PRDM15: variants seen among roughly 807,000 people sequenced by gnomAD.
The protein encoded by PRDM15 is PR/SET domain 15, also known as PR domain zinc finger protein 15.
A neutral mutation model predicts 128.6 loss-of-function variants in PRDM15; 64 were observed. That is an observed-to-expected ratio of 0.50 (90% CI 0.41 to 0.61). The LOEUF (loss-of-function observed/expected upper bound fraction) is 0.61. Among genes scored for constraint, PRDM15 ranks in the 20% least tolerant of loss-of-function variants. The pLI is 0.00. For synonymous variants in PRDM15, 615 were observed against 621.8 expected (o/e 0.99, Z 0.16); for missense variants, 1,242 against 1,569.1 (o/e 0.79, Z 3.52).
chr21:41,808,872 G>A (rs933519752), intron 21 of PRDM15, among the ~76,000 whole-genome samples: 3 of 152,202 alleles, frequency 2.0e-5, no homozygotes, highest in Admixed American at 1.3e-4. Flanking sequence ...TTGGAATAGG[G>A]GTTGGAATAA....
intron 11 of PRDM15, among the ~76,000 whole-genome samples, chr21:41,833,320 C>T: frequency 6.6e-6 from 1 of 152,140 alleles, no homozygotes; most frequent in East Asian, 1.9e-4. Flanking sequence ...TTTAAAACTG[C>T]CCCCCACACC....
At position 41,799,492 on chromosome 21, in the gene PRDM15, G is replaced by C. The variant is rs2061369045; in HGVS notation, c.*1748C>G. ...CTATTCATTCAACTGAGAGGTGAGAGCTAGGCGCGAGTGATGGTGGGTAAG... is the reference window on the plus strand; with the variant it reads ...CTATTCATTCAACTGAGAGGTGAGACCTAGGCGCGAGTGATGGTGGGTAAG... On this transcript the variant is annotated 3_prime_UTR_variant, in exon 24 of 24. Transcript: ENST00000398548. The C allele has an allele frequency of 6.6e-6, 1 of 152,226 alleles. No individual in the cohort carries two copies. Among genetic ancestry groups the C allele is most frequent in the African/African-American group, 2.4e-5 (1 of 41,454 alleles). 9.4% of individuals were successfully genotyped at this position (152,226 alleles called of 1,614,324 possible).
Position 41,854,422 on chromosome 21 carries a change from TC to T in PRDM15, c.538+143del. 1 of 1,046,860 alleles carries T rather than the reference TC, an allele frequency of 9.6e-7. No homozygotes were observed. The highest frequency in any genetic ancestry group is 1.4e-6 in the Non-Finnish European group (1 of 736,152). The allele number at this position is 1,046,860 out of a possible 1,614,324, so 64.8% of individuals were successfully genotyped here. On this transcript the variant is annotated intron_variant, in intron 5 of 23. Coordinates refer to ENST00000398548, the MANE Select transcript of PRDM15 (RefSeq NM_001040424.3). The surrounding 1 kb of genome is among the most constrained non-coding windows in gnomAD (Gnocchi z 4.6). ...ACAAGCAGAAAGACAGACCCGACTC[TC>T]CACTCCTCCACTCTCCGCATCCCAG...
At chr21:41,834,374 T>C in intron 11 of PRDM15, 1 of 789,852 alleles carries the variant, frequency 1.3e-6, no homozygotes, top group South Asian at 1.6e-5. Context: ...TCAGAGCCCC[T>C]GGGAGTCCGC....
In PRDM15 at chr21:41,862,063, G is replaced by T; in HGVS notation, c.-9-1691C>A. 4 of 1,283,564 alleles carry T rather than the reference G, an allele frequency of 3.1e-6. No individual in the cohort carries two copies. The highest frequency in any genetic ancestry group is 4.5e-6 in the Non-Finnish European group (4 of 890,056). 79.5% of individuals were successfully genotyped at this position (1,283,564 alleles called of 1,614,324 possible). A position where few individuals can be genotyped will look rare whatever the true frequency, so the allele number is the denominator to read the frequency against. ...ACCAGTCTGGGATGGGGGCTCAGCT[G>T]GGCAGTGAGCAGGAGATGAACAGGA... On this transcript the variant is annotated intron_variant, in intron 1 of 23. Transcript: ENST00000398548. This position sits in a 1 kb window ranked among gnomAD's most constrained non-coding sequence, Gnocchi z 4.1.
intron 14 of PRDM15, chr21:41,823,071 G>T: frequency 4.3e-6 from 2 of 464,140 alleles, no homozygotes; most frequent in Non-Finnish European, 8.0e-6. Flanking sequence ...GGCCCTTATA[G>T]AAGAGATCCC....
At chr21:41,852,102 T>C (rs4920060) in intron 5 of PRDM15, among the ~76,000 whole-genome samples, 104,218 of 152,128 alleles carry the variant, frequency 0.69, 35,872 homozygotes, top group African/African-American at 0.74. Flanking sequence ...TTTAAATCTA[T>C]TGTTTCAAAC....
chr21:41,831,415 G>A (rs540134988), intron 11 of PRDM15, among the ~76,000 whole-genome samples: 27 of 152,352 alleles, frequency 1.8e-4, no homozygotes, highest in African/African-American at 2.9e-4. Flanking sequence ...TGCCGACAGC[G>A]TCCCTTGGGG....
chr21:41,803,423 C>T (rs62216224), intron 22 of PRDM15, among the ~76,000 whole-genome samples: 6,058 of 152,342 alleles, frequency 0.04, 139 homozygotes, highest in Non-Finnish European at 0.052. Context: ...CCTCCCCGCA[C>T]GATTCCCTGC....
chr21:41,868,661 C>CTT lies in PRDM15; in HGVS notation c.-9-8290_-9-8289insAA, dbSNP rs373592645. 1.9e-3 allele frequency among the ~76,000 whole-genome samples: 291 copies of CTT among 150,946 alleles called. 3 individuals are homozygous for CTT. The highest frequency in any genetic ancestry group is 6.5e-3 in the African/African-American group (266 of 41,168). Reference sequence around the variant, plus strand: ...ATAAATCCTCTTCAGTAAAAGGTCTCTGCATCTTTTGCCCATTTTCCTTTT... The same window carrying CTT: ...ATAAATCCTCTTCAGTAAAAGGTCTCTTTGCATCTTTTGCCCATTTTCCTTTT... On this transcript the variant is annotated intron_variant, in intron 1 of 23. Transcript: ENST00000398548.
At position 41,838,006 on chromosome 21, in the gene PRDM15, G is replaced by C; in HGVS notation, c.929C>G (p.Pro310Arg). 1 of 1,614,148 alleles carries C rather than the reference G, an allele frequency of 6.2e-7. No homozygotes were observed. Among genetic ancestry groups the C allele is most frequent in the Non-Finnish European group, 8.5e-7 (1 of 1,179,976 alleles). ...AACCAGCTCCATGATCCGCTCATCTGGCGTTGCACTCACAGGCTCATCCGG... is the reference window on the plus strand; with the variant it reads ...AACCAGCTCCATGATCCGCTCATCTCGCGTTGCACTCACAGGCTCATCCGG... ...VPPDEPVSATPDERIMELVLG... is the reference protein window; with the variant it reads ...VPPDEPVSATRDERIMELVLG... The change falls in exon 8 of 24, where the codon CCA becomes CGA. Residue 310 changes from proline (P) to arginine (R), a missense_variant. Transcript: ENST00000398548.
chr21:41,833,211 G>A (rs112509844), intron 11 of PRDM15, among the ~76,000 whole-genome samples: 53 of 152,320 alleles, frequency 3.5e-4, no homozygotes, highest in Non-Finnish European at 6.5e-4. Flanking sequence ...CAAGGAACAC[G>A]AAGATGAGTT....
At chr21:41,837,875 C>T (rs1285534044) in intron 8 of PRDM15, 59 bp downstream of exon 8, 1 of 1,601,726 alleles carries the variant, frequency 6.2e-7, no homozygotes, top group East Asian at 2.2e-5. Context: ...CCAGAATGGC[C>T]TGGCTGCTGC....
At chr21:41,816,078 G>A (rs1457222788) in intron 18 of PRDM15, among the ~76,000 whole-genome samples, 1 of 152,260 alleles carries the variant, frequency 6.6e-6, no homozygotes, top group Admixed American at 6.5e-5. Flanking sequence ...GCCTGGCCGA[G>A]CCCTGACCAC....
Position 41,862,941 on chromosome 21 carries a change from G to A in PRDM15, c.-9-2569C>T, listed in dbSNP as rs1395837758. Among the ~76,000 whole-genome samples, 1 of 152,078 alleles carries A rather than the reference G, an allele frequency of 6.6e-6. No homozygotes were observed. The highest frequency in any genetic ancestry group is 1.5e-5 in the Non-Finnish European group (1 of 68,008). On this transcript the variant is annotated intron_variant, in intron 1 of 23. Transcript: ENST00000398548. The surrounding 1 kb of genome is among the most constrained non-coding windows in gnomAD (Gnocchi z 4.1). Reference sequence around the variant, plus strand: ...TCCCAGCACTTTCAGAGATGAGGACGGGCGATCACTTCAGGTCAGGAGTTC... The same window carrying A: ...TCCCAGCACTTTCAGAGATGAGGACAGGCGATCACTTCAGGTCAGGAGTTC...
At position 41,854,478 on chromosome 21, in the gene PRDM15, G is replaced by T; in HGVS notation, c.538+88C>A. The T allele has an allele frequency of 1.3e-6, 2 of 1,524,364 alleles. No individual in the cohort carries two copies. The highest frequency in any genetic ancestry group is 1.8e-6 in the Non-Finnish European group (2 of 1,130,704). 94.4% of individuals were successfully genotyped at this position (1,524,364 alleles called of 1,614,324 possible). A position where few individuals can be genotyped will look rare whatever the true frequency, so the allele number is the denominator to read the frequency against. ...TGGCCCAGCCCAACCCATCTCATCA[G>T]TGTGGGGTCAGCACAGAGCCAAGGG... On this transcript the variant is annotated intron_variant, in intron 5 of 23. Transcript: ENST00000398548. The surrounding 1 kb of genome is among the most constrained non-coding windows in gnomAD (Gnocchi z 4.6).
rs372713737 is a variant in PRDM15, at chr21:41,856,582, G to A, written c.285+594C>T. On this transcript the variant is annotated intron_variant, in intron 4 of 23. Transcript: ENST00000398548. ...ATGGCAACAGTCAAAAACCAGCCTC[G>A]CCTGGCCTCATAGCCTTCCAGAGGG... is the stretch of plus-strand genomic sequence containing the variant. Among the ~76,000 whole-genome samples, 92 of 152,172 alleles carry A rather than the reference G, an allele frequency of 6.0e-4. 2 individuals are homozygous for A. The highest frequency in any genetic ancestry group is 4.9e-3 in the East Asian group (25 of 5,154).
At chr21:41,824,974 G>A (rs1456616290) in intron 13 of PRDM15, among the ~76,000 whole-genome samples, 1 of 152,270 alleles carries the variant, frequency 6.6e-6, no homozygotes, top group Non-Finnish European at 1.5e-5. Flanking sequence ...AACGCTGGAT[G>A]AGCGTCACTC....
intron 7 of PRDM15, among the ~76,000 whole-genome samples, chr21:41,838,799 A>G (rs758454284): frequency 6.6e-6 from 1 of 152,240 alleles, no homozygotes; most frequent in Non-Finnish European, 1.5e-5. Flanking sequence ...GAGGCTCAGA[A>G]TATTCCACAA....
Sources: gnomAD v4.1 joint callset for allele counts (sites outside exome capture counted in the v4.1 genomes callset) on GRCh38, gnomAD v4.1.1 for gene constraint, Gnocchi (gnomAD v3.1) non-coding constraint, MANE v1.5 for transcripts, NCBI Gene and HGNC (gene_info 2026-07-23, HGNC 2026-07-21) for gene names.